The following CSMD2 variants were observed in gnomAD, a reference collection of about 807,000 sequenced individuals.
CSMD2 encodes the protein CUB and Sushi multiple domains 2.
Under a neutral mutation model 398.5 loss-of-function variants are expected in CSMD2, and 130 were observed. The ratio of observed to expected loss-of-function variants is 0.33; its 90% CI spans 0.28 to 0.38. CSMD2 has a LOEUF of 0.38. Ranked by LOEUF, CSMD2 falls within the 10% of genes least tolerant of loss-of-function variation. The pLI is 1.00. For synonymous variants in CSMD2, 1,828 were observed against 1,908.5 expected, an observed-to-expected ratio of 0.96 and a Z score of 1.10; for missense variants, 3,829 against 4,764.9, an observed-to-expected ratio of 0.80 and a Z score of 5.78.
intron 25 of CSMD2, among the ~76,000 whole-genome samples, chr1:33,683,438 C>G (rs1158934975): frequency 6.6e-6 from 1 of 151,936 alleles, no homozygotes; most frequent in Non-Finnish European, 1.5e-5. Context: ...TTGCTTATTT[C>G]TTTACTTATT....
chr1:33,763,559 G>A (rs899145652), intron 13 of CSMD2, among the ~76,000 whole-genome samples: 2 of 152,200 alleles, frequency 1.3e-5, no homozygotes, highest in African/African-American at 2.4e-5. Context: ...AACAAGTGAT[G>A]TATGTGACTC....
At chr1:33,926,255 G>A (rs1302870411) in intron 4 of CSMD2, among the ~76,000 whole-genome samples, 2 of 152,270 alleles carry the variant, frequency 1.3e-5, no homozygotes, top group African/African-American at 2.4e-5. Context: ...GTTAAGTAAT[G>A]TTCCCAAGGT....
At chr1:33,587,261 C>T in intron 44 of CSMD2, 93 bp from the exon 45 acceptor site, 1 of 940,426 alleles carries the variant, frequency 1.1e-6, no homozygotes, top group Non-Finnish European at 1.6e-6. Context: ...TCTCATCCCT[C>T]ATTTATTCAC....
chr1:33,764,804 T>C (rs1650278130), intron 13 of CSMD2, among the ~76,000 whole-genome samples: 1 of 152,216 alleles, frequency 6.6e-6, no homozygotes, highest in African/African-American at 2.4e-5. Context: ...TGATCATATT[T>C]TCTGGGCCAA....
intron 15 of CSMD2, among the ~76,000 whole-genome samples, chr1:33,736,300 T>C (rs866423638): frequency 3.3e-5 from 5 of 152,060 alleles, no homozygotes; most frequent in Non-Finnish European, 7.4e-5. Flanking sequence ...GCTAACACGG[T>C]GAAACCCTGT....
At chr1:33,928,918 G>A (rs1028035395) in intron 4 of CSMD2, among the ~76,000 whole-genome samples, 35 of 152,122 alleles carry the variant, frequency 2.3e-4, no homozygotes, top group African/African-American at 8.4e-4. Context: ...GCCCTCTTAT[G>A]CCTTTCCCAG....
intron 5 of CSMD2, among the ~76,000 whole-genome samples, chr1:33,865,228 G>C (rs1436879768): frequency 6.6e-6 from 1 of 151,618 alleles, no homozygotes; most frequent in African/African-American, 2.4e-5. Flanking sequence ...GGGCTAGAAG[G>C]CCTAGAGTTC....
chr1:33,857,188 C>T (rs917066574), intron 5 of CSMD2, among the ~76,000 whole-genome samples: 2 of 152,022 alleles, frequency 1.3e-5, no homozygotes, highest in Admixed American at 6.5e-5. Flanking sequence ...AATAACAGCA[C>T]CCACTTCATT....
intron 13 of CSMD2, among the ~76,000 whole-genome samples, chr1:33,758,528 A>T (rs1348180393): frequency 6.6e-6 from 1 of 152,250 alleles, no homozygotes; most frequent in African/African-American, 2.4e-5. Flanking sequence ...AATTTGCTGT[A>T]TGATTGGTAC....
intron 1 of CSMD2, among the ~76,000 whole-genome samples, chr1:34,135,562 G>A (rs1638648518): frequency 1.5e-5 from 2 of 137,480 alleles, no homozygotes; most frequent in South Asian, 4.7e-4. Flanking sequence ...AGGTTGCCGT[G>A]AGCAGAGATC....
At chr1:34,047,115 A>G (rs1398254512) in intron 2 of CSMD2, among the ~76,000 whole-genome samples, 1 of 152,082 alleles carries the variant, frequency 6.6e-6, no homozygotes, top group Non-Finnish European at 1.5e-5. Context: ...AAGTCTTCAT[A>G]ATGGTCTAAA....
intron 29 of CSMD2, among the ~76,000 whole-genome samples, chr1:33,640,074 C>T (rs1469482788): frequency 6.6e-6 from 1 of 152,144 alleles, no homozygotes; most frequent in Non-Finnish European, 1.5e-5. Flanking sequence ...AATGATAACA[C>T]TAAATGACTA....
intron 43 of CSMD2, 97 bp from the exon 44 acceptor site, chr1:33,601,107 G>T: frequency 1.3e-6 from 2 of 1,496,964 alleles, no homozygotes; most frequent in South Asian, 1.2e-5. Context: ...CCTGGAGTGG[G>T]AGGCTATGAT....
intron 41 of CSMD2, among the ~76,000 whole-genome samples, chr1:33,608,382 G>A (rs1370870708): frequency 6.6e-6 from 1 of 152,184 alleles, no homozygotes; most frequent in Non-Finnish European, 1.5e-5. Flanking sequence ...AGCTGTCCCT[G>A]GCACAATGGT....
At chr1:33,549,368 C>A (rs1020941572) in intron 56 of CSMD2, among the ~76,000 whole-genome samples, 3 of 152,208 alleles carry the variant, frequency 2.0e-5, no homozygotes, top group African/African-American at 7.2e-5. Flanking sequence ...AACATGGAAT[C>A]CCTTCCTAGG....
At chr1:34,149,434 C>T (rs74071237) in intron 1 of CSMD2, among the ~76,000 whole-genome samples, 4 of 152,080 alleles carry the variant, frequency 2.6e-5, no homozygotes, top group Non-Finnish European at 5.9e-5. Flanking sequence ...CCAACAGGCC[C>T]GAAGAAAACG....
At chr1:34,081,536 G>A (rs946195706) in intron 2 of CSMD2, among the ~76,000 whole-genome samples, 31 of 151,962 alleles carry the variant, frequency 2.0e-4, no homozygotes, top group African/African-American at 5.8e-4. Flanking sequence ...CTCCTGCCTC[G>A]GCCTGCCGAG....
chr1:34,068,132 C>G (rs1233825551), intron 2 of CSMD2, among the ~76,000 whole-genome samples: 2 of 152,186 alleles, frequency 1.3e-5, no homozygotes, highest in Non-Finnish European at 2.9e-5. Context: ...AGCCTGAGTG[C>G]CACCATCTTA....
At chr1:33,572,007 A>AT (rs772203779) in intron 50 of CSMD2, among the ~76,000 whole-genome samples, 3 of 152,170 alleles carry the variant, frequency 2.0e-5, no homozygotes, top group Non-Finnish European at 2.9e-5. Flanking sequence ...TTAGATTTTC[A>AT]TTTTTCAAGA....
Sources: allele counts gnomAD v4.1 joint callset (sites outside exome capture counted in the v4.1 genomes callset), GRCh38; gene constraint gnomAD v4.1.1; transcripts MANE v1.5; gene names NCBI Gene and HGNC (gene_info 2026-07-23, HGNC 2026-07-21).